NFYB: variants seen among roughly 807,000 people sequenced by gnomAD.
NFYB encodes nuclear transcription factor Y subunit beta.
In NFYB, 13 loss-of-function variants were observed where a neutral mutation model predicts 28.0. The observed-to-expected ratio is 0.46, with a 90% CI of 0.30 to 0.74. The LOEUF (loss-of-function observed/expected upper bound fraction) is 0.74, where lower values mean the gene tolerates loss of function less well. Ranked by LOEUF, NFYB falls within the 30% of genes least tolerant of loss-of-function variation. The pLI is 0.07. For missense variants in NFYB, 142 were observed against 247.6 expected, an observed-to-expected ratio of 0.57 and a Z score of 2.86; for synonymous variants, 74 against 75.0, an observed-to-expected ratio of 0.99 and a Z score of 0.07.
intron 6 of NFYB, among the ~76,000 whole-genome samples, chr12:104,120,886 AAT>A (rs1200501895): frequency 5.3e-5 from 8 of 152,208 alleles, no homozygotes; most frequent in Admixed American, 1.3e-4. Context: ...TTATTTCACC[AAT>A]ATGACAACAT....
At chr12:104,123,711 G>A (rs2030570600) in intron 4 of NFYB, among the ~76,000 whole-genome samples, 1 of 152,188 alleles carries the variant, frequency 6.6e-6, no homozygotes, top group Non-Finnish European at 1.5e-5. Flanking sequence ...TGTAATCCCA[G>A]CACTTTGGGA....
rs536982251 is a variant in NFYB at position 104,121,331 on chromosome 12, GA to G, written c.430-11del. On this transcript the variant is annotated splice_polypyrimidine_tract_variant and intron_variant, in intron 5 of 7. Coordinates refer to ENST00000240055, the MANE Select transcript of NFYB (RefSeq NM_006166.4). The stretch of plus-strand genomic sequence containing the variant: ...TTTCTCCTTTCATAGCCTGAGGAAG[GA>G]AAAAAAAAAAGTCACTGATATTCAA... 0.027 allele frequency: 30,473 copies of G among 1,130,526 alleles called. 237 individuals carry two copies. The highest frequency in any genetic ancestry group is 0.13 in the South Asian group (7,585 of 59,420). 70.0% of individuals were successfully genotyped at this position (1,130,526 alleles called of 1,614,324 possible).
At chr12:104,121,574 T>C (rs888319271) in intron 5 of NFYB, among the ~76,000 whole-genome samples, 2 of 152,162 alleles carry the variant, frequency 1.3e-5, no homozygotes, top group Admixed American at 6.5e-5. Flanking sequence ...AAATAAATTA[T>C]TCTAATTCCA....
intron 4 of NFYB, among the ~76,000 whole-genome samples, chr12:104,123,647 C>A (rs1341470449): frequency 6.6e-6 from 1 of 152,162 alleles, no homozygotes; most frequent in African/African-American, 2.4e-5. Flanking sequence ...CAACTATTTA[C>A]AGAAACAAAT....
chr12:104,123,575 T>A, intron 4 of NFYB, 152 bp from the exon 5 acceptor site: 1 of 639,636 alleles, frequency 1.6e-6, no homozygotes, highest in Non-Finnish European at 2.7e-6. Flanking sequence ...CAATGTGTGC[T>A]ATCAAAAGTC....
Position 104,123,471 on chromosome 12 carries a change from T to C in NFYB, c.232-48A>G, listed in dbSNP as rs1050176466. On this transcript the variant is annotated intron_variant, in intron 4 of 7. Coordinates refer to ENST00000240055, the MANE Select transcript of NFYB (RefSeq NM_006166.4). Reference sequence around the variant, plus strand: ...ATTACAGAAACTATAACCATCACCTTCCTAACAACCTACAAAAATGAAAGC... The same window carrying C: ...ATTACAGAAACTATAACCATCACCTCCCTAACAACCTACAAAAATGAAAGC... 3 of 1,497,344 alleles carry C rather than the reference T, an allele frequency of 2.0e-6. No individual in the cohort carries two copies. The African/African-American group carries it at 4.2e-5, about 21-fold the overall frequency. 92.8% of individuals were successfully genotyped at this position (1,497,344 alleles called of 1,614,324 possible). A position where few individuals can be genotyped will look rare whatever the true frequency, so the allele number is the denominator to read the frequency against.
chr12:104,126,785 G>A (rs1047320366), intron 3 of NFYB, among the ~76,000 whole-genome samples: 2 of 152,118 alleles, frequency 1.3e-5, no homozygotes, highest in Admixed American at 1.3e-4. Flanking sequence ...TAGATTAAGA[G>A]GTTGTATGTT....
intron 3 of NFYB, among the ~76,000 whole-genome samples, chr12:104,127,704 G>C (rs1389668179): frequency 4.0e-5 from 3 of 75,556 alleles, no homozygotes; most frequent in Admixed American, 1.8e-4. Context: ...GTCTCACTTT[G>C]CACTTTGTCA....
intron 1 of NFYB, among the ~76,000 whole-genome samples, chr12:104,136,971 A>T (rs1352618645): frequency 1.3e-5 from 2 of 152,254 alleles, no homozygotes; most frequent in Non-Finnish European, 2.9e-5. Context: ...AATGCAGGGA[A>T]GGAATAATTT....
At chr12:104,122,034 T>G (rs1294242538) in intron 5 of NFYB, among the ~76,000 whole-genome samples, 1 of 152,196 alleles carries the variant, frequency 6.6e-6, no homozygotes, top group Non-Finnish European at 1.5e-5. Flanking sequence ...CAATCAATAA[T>G]AAGACATATG....
chr12:104,118,736 C>G lies in NFYB; in HGVS notation c.*1001G>C, dbSNP rs1234567856. ...TTTCACACCGTTCACAGCACTCACT[C>G]TGTTCTCCATTTCATCCACTCACCC... On this transcript the variant is annotated 3_prime_UTR_variant, in exon 8 of 8. Coordinates refer to ENST00000240055, the MANE Select transcript of NFYB (RefSeq NM_006166.4). 3.9e-5 allele frequency: 6 copies of G among 152,142 alleles called. No homozygotes were observed. The highest frequency in any genetic ancestry group is 2.1e-4 in the South Asian group (1 of 4,828). 9.4% of individuals were successfully genotyped at this position (152,142 alleles called of 1,614,324 possible).
intron 3 of NFYB, 77 bp downstream of exon 3, chr12:104,128,347 G>A: frequency 9.9e-7 from 1 of 1,007,542 alleles, no homozygotes; most frequent in Non-Finnish European, 1.5e-6. Flanking sequence ...AAGTAGCCTA[G>A]AACACCATAT....
At chr12:104,128,547 T>C (rs1176200829) in intron 2 of NFYB, 30 bp from the exon 3 acceptor site, 1 of 1,493,948 alleles carries the variant, frequency 6.7e-7, no homozygotes, top group Non-Finnish European at 9.3e-7. Flanking sequence ...TTTTCAATAC[T>C]TTTCAAAGTA....
At chr12:104,136,731 C>T (rs1200499826) in intron 1 of NFYB, among the ~76,000 whole-genome samples, 1 of 152,114 alleles carries the variant, frequency 6.6e-6, no homozygotes, top group Non-Finnish European at 1.5e-5. Flanking sequence ...TATATTTAGA[C>T]TCAGTACATT....
chr12:104,120,374 A>C (rs2030423353), intron 7 of NFYB, 26 bp downstream of exon 7: 1 of 1,585,802 alleles, frequency 6.3e-7, no homozygotes, highest in Non-Finnish European at 8.6e-7. Flanking sequence ...AAATTTTTTA[A>C]GCATTTAAAA....
Position 104,135,541 on chromosome 12 carries a change from TAAAC to T in NFYB, c.-79-13_-79-10del. On this transcript the variant is annotated splice_polypyrimidine_tract_variant and intron_variant, in intron 1 of 7. Transcript: ENST00000240055. ...ATCTTTGTGATTTCAACCTAAAAGA[TAAAC>T]ATCTATTAGGACCTAACATCTATCA... 17 of 1,238,594 alleles carry T rather than the reference TAAAC, an allele frequency of 1.4e-5. No individual in the cohort carries two copies. Among genetic ancestry groups the T allele is most frequent in the Non-Finnish European group, 1.9e-5 (17 of 883,954 alleles). 76.7% of individuals were successfully genotyped at this position (1,238,594 alleles called of 1,614,324 possible).
rs1048338465 is a variant in NFYB, at chr12:104,128,354, A to G, written c.100+70T>C. The G allele has an allele frequency of 9.2e-6, 10 of 1,089,890 alleles. No individual in the cohort carries two copies. In the African/African-American group the frequency reaches 1.3e-4, roughly 14 times the overall value. The allele number at this position is 1,089,890 out of a possible 1,614,324, so 67.5% of individuals were successfully genotyped here. ...AAAGACACAAGTAGCCTAGAACACC[A>G]TATTAATGAAATGTCCACTTTCTAA... On this transcript the variant is annotated intron_variant, in intron 3 of 7. Coordinates refer to ENST00000240055, the MANE Select transcript of NFYB (RefSeq NM_006166.4).
At chr12:104,129,588 C>A (rs2030847810) in intron 2 of NFYB, among the ~76,000 whole-genome samples, 1 of 152,214 alleles carries the variant, frequency 6.6e-6, no homozygotes. Context: ...TTCTCTCCCC[C>A]TGCCAAATCA....
chr12:104,118,902 C>T lies in NFYB; in HGVS notation c.*835G>A, dbSNP rs2030362254. 6.6e-6 allele frequency: 1 copy of T among 152,098 alleles called. No homozygotes were observed. The highest frequency in any genetic ancestry group is 1.5e-5 in the Non-Finnish European group (1 of 68,016). The allele number at this position is 152,098 out of a possible 1,614,324, so 9.4% of individuals were successfully genotyped here. On this transcript the variant is annotated 3_prime_UTR_variant, in exon 8 of 8. Transcript: ENST00000240055. ...AAAACTCCTCTTCTGTAAGAGAATA[C>T]TATAGTACTTGAAGATATGATTTGA...
Sources: gnomAD v4.1 joint callset for allele counts (sites outside exome capture counted in the v4.1 genomes callset) on GRCh38, gnomAD v4.1.1 for gene constraint, MANE v1.5 for transcripts, NCBI Gene and HGNC (gene_info 2026-07-23, HGNC 2026-07-21) for gene names.